Variants in ACSL4 observed in about 807,000 individuals in gnomAD.
ACSL4 encodes the protein long-chain-fatty-acid--CoA ligase 4.
In ACSL4, 9 loss-of-function variants were observed where a neutral mutation model predicts 49.1. The ratio of observed to expected loss-of-function variants is 0.18; its 90% confidence interval spans 0.11 to 0.32. ACSL4 has a LOEUF of 0.32. Among genes scored for constraint, ACSL4 ranks in the 10% least tolerant of loss-of-function variants. The pLI is 1.00. For missense variants in ACSL4, 333 were observed against 493.7 expected (o/e 0.67, Z 3.08); for synonymous variants, 191 against 170.3 (o/e 1.12, Z -0.95).
At chrX:109,695,072 T>C (rs1311356415) in intron 2 of ACSL4, among the ~76,000 whole-genome samples, 5 of 111,521 alleles carry the variant, frequency 4.5e-5, no homozygotes, top group Admixed American at 3.8e-4. Flanking sequence ...TTCAGGCTGG[T>C]ATGGTGGCTC....
intron 15 of ACSL4, among the ~76,000 whole-genome samples, chrX:109,647,708 C>A (rs1172229655): frequency 2.7e-5 from 3 of 111,304 alleles, no homozygotes; most frequent in African/African-American, 9.8e-5. Context: ...ACACAAAAAA[C>A]CCTTCAAAAA....
At chrX:109,663,859 G>C (rs931564171) in intron 12 of ACSL4, among the ~76,000 whole-genome samples, 1 of 111,251 alleles carries the variant, frequency 9.0e-6, no homozygotes, top group East Asian at 2.8e-4. Context: ...AGAGGGAAAG[G>C]GGGGACTATG....
At chrX:109,726,860 G>T (rs1265322716) in intron 1 of ACSL4, among the ~76,000 whole-genome samples, 5 of 107,044 alleles carry the variant, frequency 4.7e-5, no homozygotes, top group East Asian at 3.0e-4. Flanking sequence ...GTTGTTTTTT[G>T]TTGTTGTTGT....
At chrX:109,670,886 C>T (rs1170951975) in intron 9 of ACSL4, among the ~76,000 whole-genome samples, 1 of 112,767 alleles carries the variant, frequency 8.9e-6, no homozygotes, top group Non-Finnish European at 1.9e-5. Flanking sequence ...CTCGGCCTCC[C>T]GAGGTGCTGG....
intron 8 of ACSL4, among the ~76,000 whole-genome samples, chrX:109,675,470 A>T (rs931058908): frequency 8.9e-6 from 1 of 112,225 alleles, no homozygotes; most frequent in African/African-American, 3.2e-5. Flanking sequence ...ATTCCTAGTA[A>T]GATTGAGAGT....
chrX:109,662,877 C>A (rs917485517), intron 13 of ACSL4, among the ~76,000 whole-genome samples: 8 of 111,587 alleles, frequency 7.2e-5, no homozygotes, highest in Non-Finnish European at 1.5e-4. Context: ...GTCCTCTGAG[C>A]TCTTTTTGTT....
intron 1 of ACSL4, among the ~76,000 whole-genome samples, chrX:109,696,424 A>G (rs1361249402): frequency 1.8e-5 from 2 of 112,208 alleles, no homozygotes; most frequent in Non-Finnish European, 3.8e-5. Context: ...AACTCTATGG[A>G]AAAATGACAA....
At chrX:109,644,362 TA>T (rs1007329830) in intron 15 of ACSL4, among the ~76,000 whole-genome samples, 176 bp from the exon 16 acceptor site, 10 of 110,818 alleles carry the variant, frequency 9.0e-5, no homozygotes, top group African/African-American at 1.3e-4. Context: ...TTTAATGGTA[TA>T]CTAGATAGTT....
intron 13 of ACSL4, among the ~76,000 whole-genome samples, chrX:109,662,838 A>G (rs1473320181): frequency 9.0e-6 from 1 of 111,370 alleles, no homozygotes; most frequent in Non-Finnish European, 1.9e-5. Flanking sequence ...ACAGTTATAT[A>G]AAATCACATG....
At chrX:109,672,104 A>AG (rs1283109703) in intron 9 of ACSL4, among the ~76,000 whole-genome samples, 1 of 95,419 alleles carries the variant, frequency 1.0e-5, no homozygotes, top group African/African-American at 3.7e-5. Flanking sequence ...AAAAAAAAAA[A>AG]GTTACCATAG....
intron 14 of ACSL4, among the ~76,000 whole-genome samples, chrX:109,661,303 G>T (rs1190843730): frequency 9.0e-6 from 1 of 111,323 alleles, no homozygotes; most frequent in Non-Finnish European, 1.9e-5. Flanking sequence ...TTGTTGCATA[G>T]CTAAGTATTT....
chrX:109,733,115 A>C (rs375904348), intron 1 of ACSL4, 24 bp downstream of exon 1: 1 of 327,814 alleles, frequency 3.1e-6, no homozygotes, highest in Non-Finnish European at 5.9e-6. Context: ...CGGGGCCGCA[A>C]CCTCCCCATC....
rs1354970452 is a variant in ACSL4 at position 109,733,163 on chromosome X, C to T, written c.-90G>A. The T allele has an allele frequency of 3.0e-6, 1 of 327,877 alleles. No homozygotes were observed. The highest frequency in any genetic ancestry group is 3.1e-5 in the Admixed American group (1 of 32,065). 27.0% of individuals were successfully genotyped at this position (327,877 alleles called of 1,213,427 possible). On this transcript the variant is annotated 5_prime_UTR_variant, in exon 1 of 16. Coordinates refer to ENST00000672401, the MANE Select transcript of ACSL4 (RefSeq NM_001318510.2). ...CCGGAGGGGCGGCCCACCGCGTCTT[C>T]GCAGCCGGCCGGCGCCTGGCACTCG...
intron 15 of ACSL4, among the ~76,000 whole-genome samples, chrX:109,648,327 T>C (rs1315379386): frequency 9.0e-6 from 1 of 111,671 alleles, no homozygotes; most frequent in Non-Finnish European, 1.9e-5. Flanking sequence ...TTATCCACCA[T>C]GATCAAGTGG....
At chrX:109,675,473 T>C (rs767165227) in intron 8 of ACSL4, among the ~76,000 whole-genome samples, 3 of 112,178 alleles carry the variant, frequency 2.7e-5, no homozygotes, top group East Asian at 2.8e-4. Context: ...CCTAGTAAGA[T>C]TGAGAGTCTT....
At chrX:109,644,223 G>T (rs184269296) in intron 15 of ACSL4, 37 bp from the exon 16 acceptor site, 866 of 1,166,235 alleles carry the variant, frequency 7.4e-4, no homozygotes, top group Non-Finnish European at 9.7e-4. Flanking sequence ...AAAAGGAGAG[G>T]GGGGGAAAGA....
chrX:109,725,696 C>T (rs886437405), intron 1 of ACSL4, among the ~76,000 whole-genome samples: 5 of 110,381 alleles, frequency 4.5e-5, no homozygotes, highest in Admixed American at 9.7e-5. Context: ...GCCGAGATCA[C>T]GCCACTGCAC....
At chrX:109,705,851 C>T (rs1471563783) in intron 1 of ACSL4, among the ~76,000 whole-genome samples, 1 of 112,134 alleles carries the variant, frequency 8.9e-6, no homozygotes, top group East Asian at 2.8e-4. Context: ...GCATGCACCA[C>T]CATGCCTGGC....
intron 1 of ACSL4, among the ~76,000 whole-genome samples, chrX:109,715,005 G>C (rs1927016373): frequency 1.8e-5 from 2 of 112,068 alleles, no homozygotes. Context: ...AGCACTTTGG[G>C]AGGCTGAGGT....
Sources: gnomAD v4.1 joint callset for allele counts (sites outside exome capture counted in the v4.1 genomes callset) on GRCh38, gnomAD v4.1.1 for gene constraint, MANE v1.5 for transcripts, NCBI Gene and HGNC (gene_info 2026-07-23, HGNC 2026-07-21) for gene names.